BMERB1: variants seen among roughly 807,000 people sequenced by gnomAD.
BMERB1 encodes the protein bMERB domain-containing protein 1.
In BMERB1, 12 loss-of-function variants were observed where a neutral mutation model predicts 23.6. That is an observed-to-expected ratio of 0.51 (90% CI 0.33 to 0.82). The LOEUF (loss-of-function observed/expected upper bound fraction) is 0.82. Ranked by LOEUF, BMERB1 falls within the 40% of genes least tolerant of loss-of-function variation. The pLI, the probability that BMERB1 is intolerant of heterozygous loss-of-function variation, is 0.03. For synonymous variants in BMERB1, 122 were observed against 96.6 expected (o/e 1.26, Z -1.54); for missense variants, 247 against 255.4 (o/e 0.97, Z 0.22).
chr16:15,522,742 C>T (rs1173921547), intron 2 of BMERB1, among the ~76,000 whole-genome samples: 2 of 152,080 alleles, frequency 1.3e-5, no homozygotes, highest in Non-Finnish European at 2.9e-5. Context: ...CTCGCTTCTT[C>T]AGTGCCCCGC....
At chr16:15,494,878 T>C (rs34266972) in intron 1 of BMERB1, among the ~76,000 whole-genome samples, 2 of 103,766 alleles carry the variant, frequency 1.9e-5, no homozygotes, top group African/African-American at 3.9e-5. Context: ...TTTTTTTATC[T>C]TTTTTTTTTT....
rs553634348 is a variant in BMERB1 at position 15,536,273 on chromosome 16, C to T, written c.230+20845C>T. Among the ~76,000 whole-genome samples the T allele has an allele frequency of 4.6e-5, 7 of 152,218 alleles. No individual in the cohort carries two copies. The South Asian group carries it at 1.5e-3, about 32-fold the overall frequency. On this transcript the variant is annotated intron_variant, in intron 2 of 5. Transcript: ENST00000300006. ...CCCTGTGTCCCTTGCAGCTTGTCTT[C>T]CTGACCGCTGGGCCTGCTGACCAAC...
At chr16:15,565,052 C>CA (rs113797043) in intron 2 of BMERB1, among the ~76,000 whole-genome samples, 1,514 of 124,104 alleles carry the variant, frequency 0.012, 14 homozygotes, top group African/African-American at 0.03. Context: ...TTCCTTTATG[C>CA]AAAAAAAAAA....
At chr16:15,546,241 T>C (rs2029906110) in intron 2 of BMERB1, among the ~76,000 whole-genome samples, 1 of 152,144 alleles carries the variant, frequency 6.6e-6, no homozygotes, top group African/African-American at 2.4e-5. Context: ...TGAGCCATGA[T>C]CAAGCAACTG....
intron 2 of BMERB1, among the ~76,000 whole-genome samples, chr16:15,526,663 C>CAAAAAAAAAAAAA (rs57236824): frequency 2.0e-5 from 1 of 50,866 alleles, no homozygotes; most frequent in Non-Finnish European, 4.6e-5. Context: ...GACTGCATCT[C>CAAAAAAAAAAAAA]AAAAAAAAAA....
At chr16:15,583,836 G>A (rs890005008) in intron 5 of BMERB1, among the ~76,000 whole-genome samples, 1 of 152,192 alleles carries the variant, frequency 6.6e-6, no homozygotes, top group African/African-American at 2.4e-5. Flanking sequence ...TTGCTGTCTA[G>A]AAATTGTTAA....
chr16:15,568,683 G>A (rs1242519894), intron 3 of BMERB1, among the ~76,000 whole-genome samples: 1 of 152,114 alleles, frequency 6.6e-6, no homozygotes, highest in Non-Finnish European at 1.5e-5. Context: ...AAAAATCGAT[G>A]AGATGATGCA....
At chr16:15,545,111 T>C (rs2052121103) in intron 2 of BMERB1, among the ~76,000 whole-genome samples, 1 of 152,150 alleles carries the variant, frequency 6.6e-6, no homozygotes, top group African/African-American at 2.4e-5. Flanking sequence ...TAGCTGGGAT[T>C]ATAGGCACCC....
intron 3 of BMERB1, among the ~76,000 whole-genome samples, chr16:15,578,152 C>A (rs1385830992): frequency 1.3e-5 from 2 of 152,104 alleles, no homozygotes; most frequent in African/African-American, 4.8e-5. Flanking sequence ...TGCTTGCCTT[C>A]TGGTTGCACC....
chr16:15,558,476 C>T (rs983402342), intron 2 of BMERB1, among the ~76,000 whole-genome samples: 11 of 151,920 alleles, frequency 7.2e-5, no homozygotes, highest in Admixed American at 4.6e-4. Flanking sequence ...AGCATGATCT[C>T]GGGGAGTTTT....
intron 3 of BMERB1, among the ~76,000 whole-genome samples, chr16:15,577,727 C>T (rs533099889): frequency 1.3e-5 from 2 of 152,248 alleles, no homozygotes; most frequent in Non-Finnish European, 2.9e-5. Flanking sequence ...TGTGCGCATG[C>T]GCAGTGGCCT....
chr16:15,543,882 T>C (rs896915198), intron 2 of BMERB1, among the ~76,000 whole-genome samples: 1 of 152,224 alleles, frequency 6.6e-6, no homozygotes, highest in East Asian at 1.9e-4. Context: ...CAAAAGAGTC[T>C]TTTGTTATGA....
chr16:15,473,788 A>T (rs2051252220), intron 1 of BMERB1, among the ~76,000 whole-genome samples: 1 of 152,152 alleles, frequency 6.6e-6, no homozygotes, highest in South Asian at 2.1e-4. Context: ...GTTTCAAAGG[A>T]GAACTTGACT....
intron 1 of BMERB1, among the ~76,000 whole-genome samples, chr16:15,500,135 G>A (rs1205952165): frequency 6.6e-6 from 1 of 152,188 alleles, no homozygotes; most frequent in African/African-American, 2.4e-5. Context: ...CCTCCACAGA[G>A]ATACCTGTGT....
At chr16:15,576,387 A>G (rs923887617) in intron 3 of BMERB1, among the ~76,000 whole-genome samples, 2 of 152,038 alleles carry the variant, frequency 1.3e-5, no homozygotes, top group Admixed American at 6.6e-5. Flanking sequence ...TGATTGTGAT[A>G]AGCAGGGACG....
chr16:15,509,468 T>A (rs1242747667), intron 1 of BMERB1, among the ~76,000 whole-genome samples: 1 of 152,078 alleles, frequency 6.6e-6, no homozygotes, highest in Non-Finnish European at 1.5e-5. Context: ...TTAAATGAGA[T>A]AATACACAGA....
chr16:15,529,413 G>C (rs79674229), intron 2 of BMERB1, among the ~76,000 whole-genome samples: 7,133 of 152,156 alleles, frequency 0.047, 533 homozygotes, highest in African/African-American at 0.15. Context: ...CTGTCCCCTC[G>C]AGGACTGAGA....
intron 1 of BMERB1, among the ~76,000 whole-genome samples, chr16:15,473,149 T>G (rs1331357320): frequency 2.0e-5 from 3 of 150,888 alleles, no homozygotes; most frequent in African/African-American, 7.3e-5. Context: ...CGTGAGCCAC[T>G]GAGGCCAGCC....
intron 2 of BMERB1, among the ~76,000 whole-genome samples, chr16:15,534,380 C>T (rs1019805848): frequency 2.0e-5 from 3 of 151,338 alleles, no homozygotes; most frequent in Non-Finnish European, 4.4e-5. Context: ...AGGCGAAACC[C>T]TGTCTCTACT....
Sources: allele counts gnomAD v4.1 joint callset (sites outside exome capture counted in the v4.1 genomes callset), GRCh38; gene constraint gnomAD v4.1.1; transcripts MANE v1.5; gene names NCBI Gene and HGNC (gene_info 2026-07-23, HGNC 2026-07-21).